Variants in ARID1A observed in about 807,000 individuals in gnomAD.
ARID1A encodes the protein AT-rich interaction domain 1A.
A neutral mutation model predicts 212.6 loss-of-function variants in ARID1A; 20 were observed. The ratio of observed to expected loss-of-function variants is 0.09; its 90% CI spans 0.07 to 0.14. ARID1A has a LOEUF of 0.14. ARID1A is among the 10% of genes least tolerant of loss of function. The pLI, the probability that ARID1A is intolerant of heterozygous loss-of-function variation, is 1.00. For synonymous variants in ARID1A, 1,376 were observed against 1,222.1 expected, an observed-to-expected ratio of 1.13 and a Z score of -2.63; for missense variants, 2,587 against 3,059.0, an observed-to-expected ratio of 0.85 and a Z score of 3.64.
chr1:26,770,132 G>T (rs1169434362), intron 11 of ARID1A: 1 of 152,304 alleles, frequency 6.6e-6, no homozygotes, highest in Non-Finnish European at 1.5e-5. Context: ...AGAATCACTT[G>T]AACACGGGAG....
intron 1 of ARID1A, among the ~76,000 whole-genome samples, chr1:26,709,390 C>T (rs2080427540): frequency 6.6e-6 from 1 of 152,116 alleles, no homozygotes; most frequent in Non-Finnish European, 1.5e-5. Context: ...CCCCTGCACC[C>T]AGCACCCCTG....
At chr1:26,748,978 C>T (rs1158698062) in intron 4 of ARID1A, among the ~76,000 whole-genome samples, 1 of 152,044 alleles carries the variant, frequency 6.6e-6, no homozygotes, top group African/African-American at 2.4e-5. Flanking sequence ...TCCTGGCTAA[C>T]ACGGTGAAAC....
In ARID1A at chr1:26,761,488, G is replaced by A. The variant is rs1557608365; in HGVS notation, c.2251+15G>A. Reference sequence around the variant, plus strand: ...CCAAGATCGAGGTGAGAGCCTGGGTGTTGGGGAGGGGCAGGGAGCTAGGGC... The same window carrying A: ...CCAAGATCGAGGTGAGAGCCTGGGTATTGGGGAGGGGCAGGGAGCTAGGGC... On this transcript the variant is annotated intron_variant, in intron 6 of 19. Coordinates refer to ENST00000324856, the MANE Select transcript of ARID1A (RefSeq NM_006015.6). 2 of 1,613,670 alleles carry A rather than the reference G, an allele frequency of 1.2e-6. No homozygotes were observed. Among genetic ancestry groups the A allele is most frequent in the East Asian group, 2.2e-5 (1 of 44,886 alleles).
At chr1:26,704,587 G>T (rs1436180224) in intron 1 of ARID1A, among the ~76,000 whole-genome samples, 2 of 152,100 alleles carry the variant, frequency 1.3e-5, no homozygotes, top group Non-Finnish European at 1.5e-5. Context: ...GCCGGGCGCG[G>T]TAGCTCACAC....
chr1:26,759,918 C>G (rs991097792), intron 4 of ARID1A, among the ~76,000 whole-genome samples: 5 of 152,330 alleles, frequency 3.3e-5, no homozygotes, highest in African/African-American at 9.6e-5. Context: ...CAATGTCTCT[C>G]TTTCTTACCT....
chr1:26,760,170 G>A (rs1570601633), intron 4 of ARID1A, among the ~76,000 whole-genome samples: 1 of 152,314 alleles, frequency 6.6e-6, no homozygotes, highest in East Asian at 1.9e-4. Context: ...TCTTATGACT[G>A]TAGAAGTTAT....
At chr1:26,772,696 T>G in intron 13 of ARID1A, 64 bp downstream of exon 13, 2 of 1,612,514 alleles carry the variant, frequency 1.2e-6, no homozygotes, top group Admixed American at 3.3e-5. Context: ...TGGGAACTCC[T>G]TGCAGCCCAA....
In ARID1A at chr1:26,775,137, G is replaced by A. The variant is rs2081122581; in HGVS notation, c.4910G>A (p.Arg1637Gln). Residue 1637 changes from arginine to glutamine, a missense_variant, in exon 18 of 20, where the codon CGG becomes CAG. Coordinates refer to ENST00000324856, the MANE Select transcript of ARID1A (RefSeq NM_006015.6). ...CCTGTGCAGCCCCCCATGATTCGGC[G>A]GGATATCACCTTCCCACCTGGCTCT... ...PAPVQPPMIR[R>Q]DITFPPGSVE... 7 of 1,613,848 alleles carry A rather than the reference G, an allele frequency of 4.3e-6. No individual in the cohort carries two copies. The highest frequency in any genetic ancestry group is 5.9e-6 in the Non-Finnish European group (7 of 1,179,956).
At chr1:26,753,869 T>C (rs1430742900) in intron 4 of ARID1A, among the ~76,000 whole-genome samples, 1 of 152,216 alleles carries the variant, frequency 6.6e-6, no homozygotes, top group Non-Finnish European at 1.5e-5. Flanking sequence ...TGCAGTGGCG[T>C]GATCTCGGCT....
chr1:26,742,119 G>C (rs909612231), intron 4 of ARID1A, among the ~76,000 whole-genome samples: 2 of 152,182 alleles, frequency 1.3e-5, no homozygotes, highest in Admixed American at 1.3e-4. Flanking sequence ...ACCCAGTAGA[G>C]GAAAGACATG....
At chr1:26,706,920 T>C (rs190628016) in intron 1 of ARID1A, among the ~76,000 whole-genome samples, 1 of 152,368 alleles carries the variant, frequency 6.6e-6, no homozygotes, top group African/African-American at 2.4e-5. Flanking sequence ...TCTAACATTG[T>C]GCTTGTTTAG....
chr1:26,756,519 G>C (rs2080938092), intron 4 of ARID1A, among the ~76,000 whole-genome samples: 1 of 149,568 alleles, frequency 6.7e-6, no homozygotes, highest in South Asian at 2.1e-4. Context: ...TTATACCACT[G>C]CCCTCCAGCC....
intron 4 of ARID1A, among the ~76,000 whole-genome samples, chr1:26,739,675 C>G (rs1382315188): frequency 2.6e-5 from 4 of 152,160 alleles, no homozygotes; most frequent in African/African-American, 9.7e-5. Flanking sequence ...GGCCTCAGTG[C>G]AGTTTATTCC....
At chr1:26,716,818 GT>G in intron 1 of ARID1A, among the ~76,000 whole-genome samples, 1 of 152,140 alleles carries the variant, frequency 6.6e-6, no homozygotes, top group Middle Eastern at 3.4e-3. Flanking sequence ...TAGAGACAGG[GT>G]TTTCCCATGT....
At chr1:26,719,464 ACT>A (rs982711011) in intron 1 of ARID1A, among the ~76,000 whole-genome samples, 8 of 151,990 alleles carry the variant, frequency 5.3e-5, no homozygotes, top group Non-Finnish European at 1.2e-4. Flanking sequence ...TTCTAGAGAC[ACT>A]CTGTGCTGGA....
chr1:26,716,784 C>G (rs1449971617), intron 1 of ARID1A, among the ~76,000 whole-genome samples: 1 of 152,118 alleles, frequency 6.6e-6, no homozygotes, highest in Non-Finnish European at 1.5e-5. Context: ...CACCACCACA[C>G]CCAACTAATT....
chr1:26,776,181 C>T (rs1440656133), intron 19 of ARID1A, among the ~76,000 whole-genome samples: 1 of 151,724 alleles, frequency 6.6e-6, no homozygotes, highest in Non-Finnish European at 1.5e-5. Flanking sequence ...TATGTTTTTT[C>T]CATTTTTCCC....
chr1:26,706,479 G>A (rs1438434136), intron 1 of ARID1A, among the ~76,000 whole-genome samples: 1 of 152,168 alleles, frequency 6.6e-6, no homozygotes, highest in African/African-American at 2.4e-5. Flanking sequence ...TTTTGCTCAT[G>A]TTTTCTTTGA....
chr1:26,707,588 C>T (rs555646188), intron 1 of ARID1A, among the ~76,000 whole-genome samples: 4 of 152,202 alleles, frequency 2.6e-5, no homozygotes, highest in South Asian at 2.1e-4. Flanking sequence ...GGTGATCCGC[C>T]GGCTTTGACC....
Sources: gnomAD v4.1 joint callset for allele counts (sites outside exome capture counted in the v4.1 genomes callset) on GRCh38, gnomAD v4.1.1 for gene constraint, MANE v1.5 for transcripts, NCBI Gene and HGNC (gene_info 2026-07-23, HGNC 2026-07-21) for gene names.